MARCHF7: variants seen among roughly 807,000 people sequenced by gnomAD.
MARCHF7 encodes E3 ubiquitin-protein ligase MARCHF7.
MARCHF7 carries 20 observed loss-of-function variants against 76.5 expected under a neutral mutation model. The observed-to-expected ratio is 0.26, with a 90% CI of 0.18 to 0.38. The LOEUF (loss-of-function observed/expected upper bound fraction) is 0.38. Among genes scored for constraint, MARCHF7 ranks in the 10% least tolerant of loss-of-function variants. The pLI is 1.00. For missense variants in MARCHF7, 797 were observed against 812.9 expected (o/e 0.98, Z 0.24); for synonymous variants, 295 against 293.0 (o/e 1.01, Z -0.07).
At chr2:159,739,823 T>C (rs1159377738) in intron 4 of MARCHF7, among the ~76,000 whole-genome samples, 4 of 152,196 alleles carry the variant, frequency 2.6e-5, no homozygotes, top group Non-Finnish European at 5.9e-5. Flanking sequence ...TATATCTATA[T>C]GCTGATATTA....
intron 5 of MARCHF7, among the ~76,000 whole-genome samples, chr2:159,745,255 TTAGAG>T (rs1188643463): frequency 2.6e-5 from 4 of 152,172 alleles, no homozygotes; most frequent in African/African-American, 9.7e-5. Flanking sequence ...AAGAATATGT[TTAGAG>T]TAGGAAATAA....
chr2:159,736,281 T>C (rs1338799035), intron 4 of MARCHF7, among the ~76,000 whole-genome samples: 2 of 152,272 alleles, frequency 1.3e-5, no homozygotes, highest in East Asian at 1.9e-4. Context: ...TCAGCACTTA[T>C]CTTACTTTCT....
At chr2:159,722,230 G>A (rs774975331) in intron 3 of MARCHF7, among the ~76,000 whole-genome samples, 3 of 151,882 alleles carry the variant, frequency 2.0e-5, no homozygotes, top group South Asian at 2.1e-4. Context: ...TCCACCTCCC[G>A]GGCTTCAAGT....
At chr2:159,743,974 C>CTTTTTTTTTTTTTTTTTT (rs1170864400) in intron 5 of MARCHF7, among the ~76,000 whole-genome samples, 1 of 60,600 alleles carries the variant, frequency 1.7e-5, no homozygotes, top group Non-Finnish European at 3.4e-5. Flanking sequence ...AGTAGGAGTT[C>CTTTTTTTTTTTTTTTTTT]TTTTTTTTTT....
At chr2:159,741,590 G>C (rs2125534466) in intron 4 of MARCHF7, among the ~76,000 whole-genome samples, 1 of 152,214 alleles carries the variant, frequency 6.6e-6, no homozygotes, top group East Asian at 1.9e-4. Context: ...GTACTGTAGA[G>C]CTTTGATGGA....
rs891762715 is a variant in MARCHF7, at chr2:159,767,915, C to T, written c.*573C>T. 6.6e-5 allele frequency: 10 copies of T among 152,248 alleles called. No homozygotes were observed. The highest frequency in any genetic ancestry group is 2.4e-4 in the African/African-American group (10 of 41,450). 9.4% of individuals were successfully genotyped at this position (152,248 alleles called of 1,614,324 possible). On this transcript the variant is annotated 3_prime_UTR_variant, in exon 12 of 12. Transcript: ENST00000409175. ...AATTTAATTTGAATTCCAAATTCAC[C>T]TAGCAATAAAATCTAATTTTTAAAA...
intron 9 of MARCHF7, among the ~76,000 whole-genome samples, chr2:159,759,760 C>A (rs576913969): frequency 2.0e-5 from 3 of 152,064 alleles, no homozygotes; most frequent in Non-Finnish European, 4.4e-5. Flanking sequence ...TTAAAAAAAA[C>A]AAACAAAGAT....
chr2:159,763,780 A>T (rs866765447), intron 10 of MARCHF7, among the ~76,000 whole-genome samples: 14 of 152,200 alleles, frequency 9.2e-5, no homozygotes, highest in Admixed American at 3.3e-4. Context: ...CTGCAATTCA[A>T]TGTATGTAAT....
intron 4 of MARCHF7, among the ~76,000 whole-genome samples, chr2:159,735,292 TTTAA>T (rs1355154112): frequency 6.6e-6 from 1 of 152,360 alleles, no homozygotes; most frequent in Non-Finnish European, 1.5e-5. Context: ...TTACATGATT[TTTAA>T]TTAATCATTT....
chr2:159,721,192 G>A (rs897831619), intron 3 of MARCHF7, among the ~76,000 whole-genome samples: 3 of 152,090 alleles, frequency 2.0e-5, no homozygotes, highest in Non-Finnish European at 1.5e-5. Context: ...ATCTGAGGTT[G>A]TGGTCTTTTG....
intron 4 of MARCHF7, among the ~76,000 whole-genome samples, chr2:159,729,746 T>C (rs1169525641): frequency 6.6e-6 from 1 of 151,728 alleles, no homozygotes; most frequent in African/African-American, 2.4e-5. Context: ...TTAACTAAAC[T>C]GGTCAATCAA....
rs1559994418 is a variant in MARCHF7 at position 159,726,224 on chromosome 2, GTTTTGTTTTGTTTT to G, written c.-14-2784_-14-2771del. The stretch of plus-strand genomic sequence containing the variant: ...TACTACTGCTCCAGATACAGGTTTT[GTTTTGTTTTGTTTT>G]GTTTTGTTTTGTTTTGTTTTGTTTT... On this transcript the variant is annotated intron_variant, in intron 3 of 11. Transcript: ENST00000409175. Among the ~76,000 whole-genome samples, 460 of 74,846 alleles carry G rather than the reference GTTTTGTTTTGTTTT, an allele frequency of 6.1e-3. 1 individual carries two copies. Among genetic ancestry groups the G allele is most frequent in the East Asian group, 8.8e-3 (25 of 2,840 alleles). 49.1% of individuals were successfully genotyped at this position (74,846 alleles called of 152,430 possible). A position where few individuals can be genotyped will look rare whatever the true frequency, so the allele number is the denominator to read the frequency against.
Position 159,768,596 on chromosome 2 carries a change from T to G in MARCHF7, c.*1254T>G, listed in dbSNP as rs781086790. ...TTATTTTACTGTTTGAAATGTTTCC[T>G]TTTAAACTGGTGCTCAAAGAAGACA... On this transcript the variant is annotated 3_prime_UTR_variant, in exon 12 of 12. Transcript: ENST00000409175. The G allele has an allele frequency of 5.2e-5, 8 of 152,640 alleles. No individual in the cohort carries two copies. Among genetic ancestry groups the G allele is most frequent in the Non-Finnish European group, 1.0e-4 (7 of 68,008 alleles). 9.5% of individuals were successfully genotyped at this position (152,640 alleles called of 1,614,324 possible).
intron 4 of MARCHF7, chr2:159,733,035 ATTAT>A (rs2125442083): frequency 1.6e-6 from 1 of 620,458 alleles, no homozygotes; most frequent in Admixed American, 6.3e-5. Context: ...ACTAATTATA[ATTAT>A]TTATAATTGT....
intron 4 of MARCHF7, 56 bp from the exon 5 acceptor site, chr2:159,743,005 A>T: frequency 6.9e-7 from 1 of 1,444,598 alleles, no homozygotes; most frequent in Non-Finnish European, 9.5e-7. Flanking sequence ...ACTGTGGGTT[A>T]AATTTAGTAC....
intron 8 of MARCHF7, among the ~76,000 whole-genome samples, chr2:159,758,425 C>T (rs1706595845): frequency 6.6e-6 from 1 of 152,176 alleles, no homozygotes; most frequent in South Asian, 2.1e-4. Context: ...GTGCAACCAT[C>T]ACTCCTATTT....
rs370056939 is a variant in MARCHF7, at chr2:159,748,743, C to G, written c.1453C>G (p.Arg485Gly). 7 of 1,614,142 alleles carry G rather than the reference C, an allele frequency of 4.3e-6. No homozygotes were observed. The East Asian group carries it at 1.6e-4, about 36-fold the overall frequency. Residue 485 changes from arginine to glycine, a missense_variant, in exon 7 of 12, where the codon CGG (arginine) becomes GGG (glycine). This residue lies in a region of MARCHF7 where 643 missense variants were observed against 631.5 expected (regional missense o/e 1.02). Coordinates refer to ENST00000409175, the MANE Select transcript of MARCHF7 (RefSeq NM_001282805.2). ...ISGILPGSLFRFAVPPALGSN... is the reference protein window; with the variant it reads ...ISGILPGSLFGFAVPPALGSN... ...AGGGATTCTTCCTGGTTCCTTATTC[C>G]GGTTTGCAGTCCCTCCAGCACTTGG...
intron 8 of MARCHF7, among the ~76,000 whole-genome samples, chr2:159,755,927 G>A (rs1313343694): frequency 6.6e-6 from 1 of 152,146 alleles, no homozygotes; most frequent in African/African-American, 2.4e-5. Context: ...CCCCTAGGGG[G>A]CACAAGAGGA....
At chr2:159,721,486 C>T (rs914458727) in intron 3 of MARCHF7, among the ~76,000 whole-genome samples, 4 of 152,134 alleles carry the variant, frequency 2.6e-5, no homozygotes, top group Admixed American at 2.6e-4. Flanking sequence ...AAAAGTATGT[C>T]TTATTAGGTA....
Sources: allele counts gnomAD v4.1 joint callset (sites outside exome capture counted in the v4.1 genomes callset), GRCh38; gene constraint gnomAD v4.1.1; regional missense constraint gnomAD v4.1.1; transcripts MANE v1.5; gene names NCBI Gene and HGNC (gene_info 2026-07-23, HGNC 2026-07-21).